The following RANBP10 variants were observed in gnomAD, a reference collection of about 807,000 sequenced individuals.
RANBP10 encodes the protein RAN binding protein 10, also known as ran-binding protein 10.
RANBP10 carries 24 observed loss-of-function variants against 72.8 expected under a neutral mutation model. The observed-to-expected ratio is 0.33, with a 90% confidence interval of 0.24 to 0.46. The LOEUF (loss-of-function observed/expected upper bound fraction) is 0.46, where lower values mean the gene tolerates loss of function less well. Ranked by LOEUF, RANBP10 falls within the 20% of genes least tolerant of loss-of-function variation. The probability of loss-of-function intolerance (pLI) is 1.00; values close to 1 mark genes in which losing one functional copy is unlikely to be tolerated. For missense variants in RANBP10, 679 were observed against 817.5 expected (o/e 0.83, Z 2.07); for synonymous variants, 310 against 322.3 (o/e 0.96, Z 0.41).
In RANBP10 at chr16:67,806,387, C is replaced by G. The variant is rs201570879; in HGVS notation, c.150G>C (p.Glu50Asp). ...QRLYPAVNQQ[E>D]TPLPRSWSPK... is the part of the protein sequence containing the mutation. The stretch of plus-strand genomic sequence containing the variant: ...GGCTCCAGGAGCGCGGCAGCGGAGT[C>G]TCTTGCTGGTTGACCGCGGGATACA... Residue 50 changes from glutamate (E) to aspartate (D), a missense_variant, in exon 1 of 14, where the codon GAG becomes GAC. Transcript: ENST00000317506. 3.7e-4 allele frequency: 603 copies of G among 1,611,858 alleles called. 5 individuals are homozygous for G. The South Asian group carries it at 6.4e-3, about 17-fold the overall frequency.
At chr16:67,803,420 G>C (rs1469921984) in intron 2 of RANBP10, among the ~76,000 whole-genome samples, 1 of 152,006 alleles carries the variant, frequency 6.6e-6, no homozygotes, top group Non-Finnish European at 1.5e-5. Context: ...GGAGGCCAAG[G>C]CAGGCGAATC....
At chr16:67,784,156 G>C (rs972646599) in intron 2 of RANBP10, among the ~76,000 whole-genome samples, 1 of 152,046 alleles carries the variant, frequency 6.6e-6, no homozygotes, top group East Asian at 1.9e-4. Flanking sequence ...ATCCAACAGT[G>C]TATTAAAAGG....
chr16:67,729,380 A>G lies in RANBP10; in HGVS notation c.1252T>C (p.Ser418Pro), dbSNP rs1413436462. The G allele has an allele frequency of 6.2e-7, 1 of 1,612,358 alleles. No individual in the cohort carries two copies. Among genetic ancestry groups the G allele is most frequent in the East Asian group, 2.2e-5 (1 of 44,862 alleles). Residue 418 changes from serine (S) to proline (P), a missense_variant, in exon 10 of 14, where the codon TCC becomes CCC. By Grantham distance (74) the Ser-to-Pro change is moderately conservative. Transcript: ENST00000317506. This position sits in a 1 kb window ranked among gnomAD's most constrained non-coding sequence, Gnocchi z 7.1. ...PSSSSSSSSS[S>P]SSSSPSSVNY... ...ACGGAGGATGGGGAAGAGGACGAGG[A>G]GGAGGAGGAGGACGAGGATGAGGAG... is the stretch of plus-strand genomic sequence containing the variant.
intron 4 of RANBP10, among the ~76,000 whole-genome samples, chr16:67,740,400 G>A (rs550891309): frequency 1.6e-4 from 25 of 152,100 alleles, no homozygotes; most frequent in Non-Finnish European, 2.8e-4. Context: ...CATCATGCCC[G>A]GCAGATAAAG....
At chr16:67,800,092 A>G (rs1479056143) in intron 2 of RANBP10, among the ~76,000 whole-genome samples, 1 of 152,112 alleles carries the variant, frequency 6.6e-6, no homozygotes, top group Non-Finnish European at 1.5e-5. Flanking sequence ...ACTGCACTCC[A>G]GCCTGGCAAC....
intron 2 of RANBP10, among the ~76,000 whole-genome samples, chr16:67,798,995 G>A (rs929098053): frequency 2.0e-5 from 3 of 152,006 alleles, no homozygotes; most frequent in South Asian, 2.1e-4. Context: ...GCGTGATCTC[G>A]GCTCACTGCA....
chr16:67,805,784 T>A (rs1213715318), intron 1 of RANBP10, among the ~76,000 whole-genome samples: 1 of 152,190 alleles, frequency 6.6e-6, no homozygotes, highest in Non-Finnish European at 1.5e-5. Context: ...GTAGAGGCAA[T>A]GTGAGAGATA....
intron 3 of RANBP10, 55 bp from the exon 4 acceptor site, chr16:67,744,510 C>A: frequency 6.6e-7 from 1 of 1,526,566 alleles, no homozygotes; most frequent in South Asian, 1.2e-5. Flanking sequence ...AGGAACAAGA[C>A]AAGTCACAGA....
chr16:67,766,845 T>C (rs2054511699), intron 3 of RANBP10, among the ~76,000 whole-genome samples: 1 of 152,142 alleles, frequency 6.6e-6, no homozygotes, highest in Non-Finnish European at 1.5e-5. Context: ...GCTAGCCCTG[T>C]ATTCTGGAAA....
At chr16:67,738,059 T>C (rs1415283107) in intron 4 of RANBP10, 24 bp from the exon 5 acceptor site, 3 of 1,581,566 alleles carry the variant, frequency 1.9e-6, no homozygotes, top group Non-Finnish European at 2.6e-6. Flanking sequence ...GGAACAGTCA[T>C]CAGGGCCAGC....
chr16:67,784,348 C>A (rs187122322), intron 2 of RANBP10, among the ~76,000 whole-genome samples: 313 of 152,188 alleles, frequency 2.1e-3, no homozygotes, highest in Non-Finnish European at 3.5e-3. Flanking sequence ...ATGGTGAAAC[C>A]CTATCTCTAC....
intron 2 of RANBP10, among the ~76,000 whole-genome samples, chr16:67,777,926 T>C (rs1200784279): frequency 2.0e-5 from 3 of 152,184 alleles, no homozygotes; most frequent in African/African-American, 4.8e-5. Flanking sequence ...AGGAATAGAA[T>C]AGAGATCCCA....
At chr16:67,773,908 C>T (rs558438166) in intron 2 of RANBP10, among the ~76,000 whole-genome samples, 1 of 152,362 alleles carries the variant, frequency 6.6e-6, no homozygotes, top group South Asian at 2.1e-4. Flanking sequence ...TGCCTGCCTC[C>T]TCCTGCCAGA....
intron 3 of RANBP10, among the ~76,000 whole-genome samples, chr16:67,755,133 G>A (rs2143008624): frequency 6.6e-6 from 1 of 152,252 alleles, no homozygotes; most frequent in Non-Finnish European, 1.5e-5. Flanking sequence ...CTAGGGTGCT[G>A]CCCTTCCCAT....
intron 3 of RANBP10, among the ~76,000 whole-genome samples, chr16:67,751,024 C>T (rs2143007741): frequency 6.6e-6 from 1 of 152,146 alleles, no homozygotes; most frequent in East Asian, 1.9e-4. Flanking sequence ...CCTCGGCCTC[C>T]CAAAGTGCTG....
At chr16:67,783,758 A>T (rs1328412367) in intron 2 of RANBP10, among the ~76,000 whole-genome samples, 1 of 152,144 alleles carries the variant, frequency 6.6e-6, no homozygotes, top group Non-Finnish European at 1.5e-5. Flanking sequence ...CTAAGAAGAC[A>T]TCAGGCTGAG....
intron 3 of RANBP10, among the ~76,000 whole-genome samples, chr16:67,744,985 G>A (rs185614590): frequency 5.3e-5 from 8 of 152,064 alleles, no homozygotes; most frequent in Admixed American, 3.3e-4. Flanking sequence ...CACAACGCCC[G>A]GCTAATTTTT....
intron 3 of RANBP10, among the ~76,000 whole-genome samples, chr16:67,764,207 G>A (rs941644023): frequency 6.6e-6 from 1 of 152,186 alleles, no homozygotes; most frequent in East Asian, 1.9e-4. Flanking sequence ...CAGAAGAAAA[G>A]GGGCTTAGTT....
At chr16:67,793,189 G>A (rs2055061122) in intron 2 of RANBP10, among the ~76,000 whole-genome samples, 1 of 152,098 alleles carries the variant, frequency 6.6e-6, no homozygotes, top group Admixed American at 6.6e-5. Context: ...TTACGGAGCT[G>A]AAGCACACAA....
Sources: allele counts gnomAD v4.1 joint callset (sites outside exome capture counted in the v4.1 genomes callset), GRCh38; gene constraint gnomAD v4.1.1; non-coding constraint Gnocchi (gnomAD v3.1); transcripts MANE v1.5; gene names NCBI Gene and HGNC (gene_info 2026-07-23, HGNC 2026-07-21).